VWF: variants seen among roughly 807,000 people sequenced by gnomAD.
The protein encoded by VWF is von Willebrand factor, also known as Factor VIII related antigen.
A neutral mutation model predicts 308.6 loss-of-function variants in VWF; 176 were observed. The ratio of observed to expected loss-of-function variants is 0.57; its 90% CI spans 0.50 to 0.65. The LOEUF is 0.65. VWF is among the 30% of genes least tolerant of loss of function. VWF has a pLI of 0.00. For synonymous variants in VWF, 1,385 were observed against 1,443.4 expected (o/e 0.96, Z 0.92); for missense variants, 3,146 against 3,648.2 (o/e 0.86, Z 3.55).
In VWF at chr12:6,012,159, T is replaced by A. The variant is rs201383906; in HGVS notation, c.5621-29A>T. Reference sequence around the variant, plus strand: ...CAACAGACACAAATAAGACCTTAGTTCCCATCTTTCACCCAGAAATTCTGA... The same window carrying A: ...CAACAGACACAAATAAGACCTTAGTACCCATCTTTCACCCAGAAATTCTGA... On this transcript the variant is annotated intron_variant, in intron 32 of 51. Coordinates refer to ENST00000261405, the MANE Select transcript of VWF (RefSeq NM_000552.5). The A allele has an allele frequency of 4.4e-4, 717 of 1,613,580 alleles. 1 individual carries two copies. The highest frequency in any genetic ancestry group is 3.1e-3 in the Middle Eastern group (19 of 6,052).
At chr12:6,001,627 G>C (rs1255491369) in intron 34 of VWF, among the ~76,000 whole-genome samples, 1 of 152,090 alleles carries the variant, frequency 6.6e-6, no homozygotes, top group African/African-American at 2.4e-5. Context: ...AGGAGACATT[G>C]GTAGACAAAC....
intron 6 of VWF, among the ~76,000 whole-genome samples, chr12:6,077,791 C>A (rs933734487): frequency 1.3e-5 from 2 of 152,124 alleles, no homozygotes; most frequent in East Asian, 3.9e-4. Context: ...ACAAGGGGAA[C>A]CTGAGGCTTC....
intron 18 of VWF, among the ~76,000 whole-genome samples, chr12:6,040,299 G>T (rs1944383127): frequency 6.6e-6 from 1 of 152,190 alleles, no homozygotes; most frequent in South Asian, 2.1e-4. Flanking sequence ...ATACCTGGGA[G>T]ATCTTCCAGC....
At chr12:6,120,463 C>T (rs562573009) in intron 3 of VWF, among the ~76,000 whole-genome samples, 3 of 152,128 alleles carry the variant, frequency 2.0e-5, no homozygotes, top group South Asian at 4.2e-4. Flanking sequence ...CCACCACACC[C>T]GGCTAATTTT....
chr12:6,103,383 C>T (rs549265182), intron 5 of VWF, among the ~76,000 whole-genome samples: 1 of 130,558 alleles, frequency 7.7e-6, no homozygotes, highest in African/African-American at 3.4e-5. Flanking sequence ...TGTGTGTATA[C>T]ACGTGTGTGT....
intron 10 of VWF, among the ~76,000 whole-genome samples, chr12:6,070,003 A>G (rs1334358084): frequency 1.3e-5 from 2 of 152,238 alleles, no homozygotes; most frequent in African/African-American, 4.8e-5. Context: ...AAACACACAC[A>G]ATAAACTGAA....
At position 6,019,514 on chromosome 12, in the gene VWF, C is replaced by T. The variant is rs1344094892; in HGVS notation, c.3904G>A (p.Asp1302Asn). The change falls in exon 28 of 52, where the codon GAC becomes AAC. Residue 1302 changes from aspartate to asparagine, a missense_variant. By Grantham distance (23) the Asp-to-Asn change is conservative. Transcript: ENST00000261405. The surrounding 1 kb of genome is among the most constrained non-coding windows in gnomAD (Gnocchi z 5.8). ...EFEVLKAFVV[D>N]MMERLRISQK... ...GAGATGCGCAGCCGCTCCATCATGT[C>T]CACCACAAAGGCCTTCAGCACTTCA... is the stretch of plus-strand genomic sequence containing the variant. 6.2e-7 allele frequency: 1 copy of T among 1,613,880 alleles called. No individual in the cohort carries two copies. The highest frequency in any genetic ancestry group is 8.5e-7 in the Non-Finnish European group (1 of 1,179,890).
chr12:6,095,945 TG>T, intron 5 of VWF: 1 of 355,612 alleles, frequency 2.8e-6, no homozygotes. Flanking sequence ...TAGCTGGGAA[TG>T]CAGGTGTGGG....
At chr12:6,116,778 G>C (rs1391961940) in intron 3 of VWF, among the ~76,000 whole-genome samples, 1 of 152,210 alleles carries the variant, frequency 6.6e-6, no homozygotes, top group African/African-American at 2.4e-5. Context: ...TTGGCACCAG[G>C]TGGCCCTTCG....
chr12:6,017,761 C>T (rs216309), intron 28 of VWF, among the ~76,000 whole-genome samples: 75,268 of 152,000 alleles, frequency 0.5, 19,259 homozygotes, highest in Middle Eastern at 0.65. Context: ...GTATTTGCCT[C>T]ATCCTTTGTA....
chr12:6,106,314 T>C (rs1266931341), intron 5 of VWF, among the ~76,000 whole-genome samples: 2 of 152,162 alleles, frequency 1.3e-5, no homozygotes, highest in East Asian at 3.8e-4. Flanking sequence ...GAGGACATTA[T>C]GCAAAGTGAA....
intron 18 of VWF, among the ~76,000 whole-genome samples, chr12:6,041,179 C>A (rs1236326197): frequency 6.6e-6 from 1 of 152,026 alleles, no homozygotes; most frequent in Non-Finnish European, 1.5e-5. Flanking sequence ...CCTGTAATCC[C>A]AGCACTTTGG....
Position 6,019,108 on chromosome 12 carries a change from G to A in VWF, c.4310C>T (p.Ala1437Val). 6.2e-7 allele frequency: 1 copy of A among 1,613,884 alleles called. No homozygotes were observed. Among genetic ancestry groups the A allele is most frequent in the Middle Eastern group, 1.7e-4 (1 of 6,056 alleles). ...LIEKQAPENK[A>V]FVLSSVDELE... ...CTCATCCACACTGCTCAGCACGAAG[G>A]CCTTGTTCTCAGGGGCCTGCTTCTC... Residue 1437 changes from alanine (A) to valine (V), a missense_variant, in exon 28 of 52, where the codon GCC becomes GTC. Coordinates refer to ENST00000261405, the MANE Select transcript of VWF (RefSeq NM_000552.5). The surrounding 1 kb of genome is among the most constrained non-coding windows in gnomAD (Gnocchi z 5.8).
Position 5,994,624 on chromosome 12 carries a change from G to A in VWF, c.6064-17C>T. 1 of 1,613,314 alleles carries A rather than the reference G, an allele frequency of 6.2e-7. No homozygotes were observed. Among genetic ancestry groups the A allele is most frequent in the Non-Finnish European group, 8.5e-7 (1 of 1,179,348 alleles). On this transcript the variant is annotated splice_polypyrimidine_tract_variant and intron_variant, in intron 35 of 51. Transcript: ENST00000261405. Reference sequence around the variant, plus strand: ...CACCGTCACCTGCACAAAGAAGAAAGAGCTCATCCGTAGTCCTAGCAATGA... The same window carrying A: ...CACCGTCACCTGCACAAAGAAGAAAAAGCTCATCCGTAGTCCTAGCAATGA...
At chr12:6,089,939 T>C (rs1945012349) in intron 6 of VWF, among the ~76,000 whole-genome samples, 1 of 151,378 alleles carries the variant, frequency 6.6e-6, no homozygotes, top group Non-Finnish European at 1.5e-5. Context: ...AGAAAGAAAT[T>C]ATGAAAATCT....
At chr12:6,016,255 G>T in intron 30 of VWF, 23 bp from the exon 31 acceptor site, 1 of 1,614,172 alleles carries the variant, frequency 6.2e-7, no homozygotes, top group Non-Finnish European at 8.5e-7. Flanking sequence ...AACAGATCAC[G>T]CCAAGTCAGT....
intron 9 of VWF, 44 bp downstream of exon 9, chr12:6,072,287 C>A (rs760312682): frequency 1.3e-6 from 2 of 1,584,332 alleles, no homozygotes; most frequent in South Asian, 2.2e-5. Context: ...CCTCCCCAGT[C>A]CCCCAGGCAG....
At chr12:6,036,311 A>G in intron 19 of VWF, 77 bp downstream of exon 19, 1 of 1,329,548 alleles carries the variant, frequency 7.5e-7, no homozygotes, top group Non-Finnish European at 1.1e-6. Context: ...GCAAGTGCGG[A>G]AGGTCCTGTG....
chr12:6,044,459 G>A lies in VWF; in HGVS notation c.2282-8C>T, dbSNP rs1033980261. On this transcript the variant is annotated splice_region_variant and splice_polypyrimidine_tract_variant and intron_variant, in intron 17 of 51. Coordinates refer to ENST00000261405, the MANE Select transcript of VWF (RefSeq NM_000552.5). Reference sequence around the variant, plus strand: ...AGGATAGGCTCCTTTTGCCTCGAAGGTAGGAAAAGCAAAGAGATGATTAGT... The same window carrying A: ...AGGATAGGCTCCTTTTGCCTCGAAGATAGGAAAAGCAAAGAGATGATTAGT... The A allele has an allele frequency of 6.2e-7, 1 of 1,613,868 alleles. No homozygotes were observed. Among genetic ancestry groups the A allele is most frequent in the Non-Finnish European group, 8.5e-7 (1 of 1,179,914 alleles).
Sources: gnomAD v4.1 joint callset for allele counts (sites outside exome capture counted in the v4.1 genomes callset) on GRCh38, gnomAD v4.1.1 for gene constraint, Gnocchi (gnomAD v3.1) non-coding constraint, MANE v1.5 for transcripts, NCBI Gene and HGNC (gene_info 2026-07-23, HGNC 2026-07-21) for gene names.